The following MACF1 variants were observed in gnomAD, a reference collection of about 807,000 sequenced individuals.
MACF1 encodes the protein microtubule actin crosslinking factor 1.
Under a neutral mutation model 854.8 loss-of-function variants are expected in MACF1, and 193 were observed. The ratio of observed to expected loss-of-function variants is 0.23; its 90% CI spans 0.20 to 0.25. The LOEUF (loss-of-function observed/expected upper bound fraction) is 0.25, where lower values mean the gene tolerates loss of function less well. MACF1 is among the 10% of genes least tolerant of loss of function. The pLI, the probability that MACF1 is intolerant of heterozygous loss-of-function variation, is 1.00. For missense variants in MACF1, 7,722 were observed against 8,929.1 expected, an observed-to-expected ratio of 0.86 and a Z score of 5.45; for synonymous variants, 3,185 against 3,226.7, an observed-to-expected ratio of 0.99 and a Z score of 0.44.
chr1:39,196,308 A>G (rs956414947), intron 2 of MACF1, among the ~76,000 whole-genome samples: 2 of 152,246 alleles, frequency 1.3e-5, no homozygotes, highest in South Asian at 2.1e-4. Flanking sequence ...ATTGTATTCA[A>G]TGACACTTTT....
intron 51 of MACF1, among the ~76,000 whole-genome samples, chr1:39,371,276 C>G (rs1416759091): frequency 6.8e-6 from 1 of 146,934 alleles, no homozygotes; most frequent in Non-Finnish European, 1.5e-5. Flanking sequence ...TGAGATGGTG[C>G]CACTGCACTC....
intron 2 of MACF1, among the ~76,000 whole-genome samples, chr1:39,235,182 C>G (rs916458188): frequency 3.3e-5 from 5 of 152,324 alleles, no homozygotes; most frequent in East Asian, 3.9e-4. Flanking sequence ...TGTAGCGAGC[C>G]GAGATCACGC....
Position 39,118,112 on chromosome 1 carries a change from A to G in MACF1, c.220+33674A>G, listed in dbSNP as rs771960863. Among the ~76,000 whole-genome samples the G allele has an allele frequency of 9.6e-4, 146 of 152,376 alleles. 2 individuals carry two copies. Among genetic ancestry groups the G allele is most frequent in the Non-Finnish European group, 2.2e-4 (15 of 68,034 alleles). ...ACCTGTCACTGAAATGGGAGGCTCC[A>G]GTTTCCAGCAGGGAGAGTGCCTGGA... is the stretch of plus-strand genomic sequence containing the variant. On this transcript the variant is annotated intron_variant, in intron 2 of 93. Transcript: ENST00000361689.
intron 2 of MACF1, among the ~76,000 whole-genome samples, chr1:39,092,195 C>T (rs924162441): frequency 6.6e-6 from 1 of 152,200 alleles, no homozygotes; most frequent in Non-Finnish European, 1.5e-5. Context: ...TCTTGCTCTC[C>T]TTTCTTTGGC....
Position 39,295,862 on chromosome 1 carries a change from G to C in MACF1, c.2335G>C (p.Glu779Gln). ...CCTGTGTGTTGAGCAGCATGTGAAAGAGAATACTGCTTATTTTCAGGTGTG... is the reference window on the plus strand; with the variant it reads ...CCTGTGTGTTGAGCAGCATGTGAAACAGAATACTGCTTATTTTCAGGTGTG... ...LCLCVEQHVKENTAYFQFFSD... is the reference protein window; with the variant it reads ...LCLCVEQHVKQNTAYFQFFSD... The change falls in exon 20 of 101, where the codon GAG becomes CAG. Residue 779 changes from glutamate (E) to glutamine (Q), a missense_variant. Around this residue, in one of 15 missense-constraint regions of MACF1, gnomAD observed 1,137 missense variants for 1,263.0 expected, o/e 0.90. Transcript: ENST00000564288. 1 of 1,614,074 alleles carries C rather than the reference G, an allele frequency of 6.2e-7. No homozygotes were observed. The highest frequency in any genetic ancestry group is 8.5e-7 in the Non-Finnish European group (1 of 1,179,970).
At chr1:39,220,481 A>AAT (rs1553169567) in intron 1 of MACF1, among the ~76,000 whole-genome samples, 1 of 126,428 alleles carries the variant, frequency 7.9e-6, no homozygotes, top group Admixed American at 8.6e-5. Flanking sequence ...CCTTTAATGA[A>AAT]TTTTTTTTTT....
Position 39,437,794 on chromosome 1 carries a change from G to A in MACF1, c.18006G>A (p.Glu6002=), listed in dbSNP as rs1644014519. Residue 6002 remains glutamate, a synonymous_variant, in exon 71 of 101, where the codon GAG becomes GAA. Coordinates refer to ENST00000564288, the MANE Select transcript of MACF1 (RefSeq NM_001394062.1). The part of the protein sequence containing the change: ...SQSTQFHDKI[E]PMLETLENLS... Reference sequence around the variant, plus strand: ...TTGTTTAGTTTCATGATAAAATTGAGCCTATGTTGGAGACACTGGAGAATC... The same window carrying A: ...TTGTTTAGTTTCATGATAAAATTGAACCTATGTTGGAGACACTGGAGAATC... 1 of 1,613,084 alleles carries A rather than the reference G, an allele frequency of 6.2e-7. No individual in the cohort carries two copies. Among genetic ancestry groups the A allele is most frequent in the Non-Finnish European group, 8.5e-7 (1 of 1,179,048 alleles).
intron 2 of MACF1, among the ~76,000 whole-genome samples, chr1:39,107,493 G>C (rs151248812): frequency 6.8e-6 from 1 of 146,488 alleles, no homozygotes; most frequent in African/African-American, 2.6e-5. Flanking sequence ...TACGGTGGTC[G>C]TGCAGTCTGC....
chr1:39,314,481 C>G (rs978190099), intron 26 of MACF1, among the ~76,000 whole-genome samples: 3 of 151,286 alleles, frequency 2.0e-5, no homozygotes, highest in Non-Finnish European at 2.9e-5. Context: ...GTTACATATA[C>G]ACACATATAC....
intron 2 of MACF1, among the ~76,000 whole-genome samples, chr1:39,186,920 T>A (rs934781271): frequency 2.3e-4 from 35 of 151,990 alleles, no homozygotes; most frequent in Non-Finnish European, 8.8e-5. Flanking sequence ...CACATTTCTG[T>A]TTCTTTTTTT....
chr1:39,406,756 A>AAAAAAAAAAC (rs746955922), intron 58 of MACF1, among the ~76,000 whole-genome samples: 8,766 of 115,226 alleles, frequency 0.076, 999 homozygotes, highest in Non-Finnish European at 0.094. Context: ...AAAAAAAAAA[A>AAAAAAAAAAC]AACATTCTTT....
intron 41 of MACF1, 70 bp downstream of exon 41, chr1:39,347,280 A>C (rs1367792725): frequency 1.5e-5 from 18 of 1,168,976 alleles, no homozygotes; most frequent in Non-Finnish European, 1.3e-6. Flanking sequence ...TTTTCTGGCC[A>C]GACTCTGTGT....
chr1:39,223,896 A>G (rs1274580594), intron 1 of MACF1, among the ~76,000 whole-genome samples: 2 of 152,204 alleles, frequency 1.3e-5, no homozygotes, highest in African/African-American at 4.8e-5. Context: ...CTTGCCAGAA[A>G]GGTTGCTGAC....
rs191515656 is a variant in MACF1, at chr1:39,329,437, A to G, written c.4615-1766A>G. The stretch of plus-strand genomic sequence containing the variant: ...TATCCATATTCATCCCATATTTATT[A>G]AATGACAGCTACTGTTCCTAGACCT... On this transcript the variant is annotated intron_variant, in intron 36 of 100. Coordinates refer to ENST00000564288, the MANE Select transcript of MACF1 (RefSeq NM_001394062.1). Among the ~76,000 whole-genome samples, 61 of 152,340 alleles carry G rather than the reference A, an allele frequency of 4.0e-4. 1 individual carries two copies. The highest frequency in any genetic ancestry group is 3.0e-3 in the Admixed American group (46 of 15,302).
chr1:39,439,083 C>T (rs75411780), intron 71 of MACF1, among the ~76,000 whole-genome samples, 191 bp from the exon 72 acceptor site: 12 of 139,944 alleles, frequency 8.6e-5, no homozygotes, highest in Non-Finnish European at 1.8e-4. Context: ...GACTCTGTCT[C>T]CAAAAAAAAA....
intron 2 of MACF1, among the ~76,000 whole-genome samples, chr1:39,141,843 A>G (rs932886775): frequency 6.6e-5 from 10 of 152,230 alleles, no homozygotes; most frequent in Non-Finnish European, 1.0e-4. Flanking sequence ...GGAAAGGTAC[A>G]TGAAACTAGA....
At chr1:39,275,912 G>GCTT (rs57589734) in intron 6 of MACF1, among the ~76,000 whole-genome samples, 124,113 of 146,290 alleles carry the variant, frequency 0.85, 53,229 homozygotes, top group Non-Finnish European at 0.91. Context: ...GCCTTCATCT[G>GCTT]CTTCTTCTTC....
intron 53 of MACF1, 87 bp from the exon 54 acceptor site, chr1:39,379,116 G>A (rs1005742922): frequency 7.5e-7 from 1 of 1,339,320 alleles, no homozygotes; most frequent in Non-Finnish European, 1.0e-6. Flanking sequence ...GAAGGAGTAA[G>A]AGAGATGCAA....
At chr1:39,167,570 G>A (rs376249608) in intron 2 of MACF1, among the ~76,000 whole-genome samples, 14 of 152,212 alleles carry the variant, frequency 9.2e-5, no homozygotes, top group Middle Eastern at 6.8e-3. Context: ...GCTGGGCGTG[G>A]TGGTGCATGC....
Sources: gnomAD v4.1 joint callset for allele counts (sites outside exome capture counted in the v4.1 genomes callset) on GRCh38, gnomAD v4.1.1 for gene constraint, gnomAD v4.1.1 regional missense constraint, MANE v1.5 for transcripts, NCBI Gene and HGNC (gene_info 2026-07-23, HGNC 2026-07-21) for gene names.